Variants in KIAA1958 observed in about 807,000 individuals in gnomAD.
KIAA1958 encodes the protein KIAA1958.
Under a neutral mutation model 47.2 loss-of-function variants are expected in KIAA1958, and 14 were observed. The ratio of observed to expected loss-of-function variants is 0.30; its 90% confidence interval spans 0.20 to 0.46. The LOEUF is 0.46. Ranked by LOEUF, KIAA1958 falls within the 20% of genes least tolerant of loss-of-function variation. The probability of loss-of-function intolerance (pLI) is 1.00; values close to 1 mark genes in which losing one functional copy is unlikely to be tolerated. For missense variants in KIAA1958, 803 were observed against 909.2 expected, an observed-to-expected ratio of 0.88 and a Z score of 1.50; for synonymous variants, 354 against 353.3, an observed-to-expected ratio of 1.00 and a Z score of -0.02.
chr9:112,534,877 ATATT>A (rs1834824911), intron 1 of KIAA1958, among the ~76,000 whole-genome samples: 2 of 152,128 alleles, frequency 1.3e-5, no homozygotes, highest in South Asian at 4.1e-4. Context: ...AAAATTCTGT[ATATT>A]TTAAGGAGAC....
chr9:112,528,545 C>CA (rs1198903273), intron 1 of KIAA1958, among the ~76,000 whole-genome samples: 1 of 152,118 alleles, frequency 6.6e-6, no homozygotes, highest in Non-Finnish European at 1.5e-5. Flanking sequence ...TATTTAGAGA[C>CA]AAAGTCTTGC....
intron 1 of KIAA1958, among the ~76,000 whole-genome samples, chr9:112,487,617 C>T (rs896443081): frequency 1.3e-5 from 2 of 152,100 alleles, no homozygotes; most frequent in South Asian, 2.1e-4. Context: ...GGTGGCTCGC[C>T]GAGGTGCGTT....
chr9:112,560,070 A>AT (rs921090945), intron 1 of KIAA1958, among the ~76,000 whole-genome samples: 315 of 145,620 alleles, frequency 2.2e-3, no homozygotes, highest in Middle Eastern at 0.011. Context: ...AGCTGCACTG[A>AT]TTTTTTTTTT....
chr9:112,547,945 C>A (rs1038615215), intron 1 of KIAA1958, among the ~76,000 whole-genome samples: 4 of 151,404 alleles, frequency 2.6e-5, no homozygotes, highest in African/African-American at 7.3e-5. Context: ...TCTGTTGATT[C>A]CAGGTCTGTA....
intron 3 of KIAA1958, 37 bp from the exon 4 acceptor site, chr9:112,659,226 T>A: frequency 6.4e-7 from 1 of 1,553,822 alleles, no homozygotes; most frequent in Non-Finnish European, 8.8e-7. Flanking sequence ...GCTGTGTGAG[T>A]GTCAAGTGTG....
intron 1 of KIAA1958, among the ~76,000 whole-genome samples, chr9:112,552,179 A>G (rs1048291338): frequency 1.3e-5 from 2 of 152,140 alleles, no homozygotes; most frequent in African/African-American, 4.8e-5. Context: ...GAGAGTATTG[A>G]GTGTTTGCTT....
chr9:112,596,004 C>T (rs1178507737), intron 2 of KIAA1958, among the ~76,000 whole-genome samples: 2 of 151,982 alleles, frequency 1.3e-5, no homozygotes, highest in Non-Finnish European at 2.9e-5. Context: ...AGGCTGGTCT[C>T]GAACTCTTGA....
At chr9:112,533,840 GACAC>G (rs2132814312) in intron 1 of KIAA1958, among the ~76,000 whole-genome samples, 1 of 152,246 alleles carries the variant, frequency 6.6e-6, no homozygotes, top group African/African-American at 2.4e-5. Flanking sequence ...TTCTGCCCTT[GACAC>G]GTGGGGATTG....
chr9:112,532,939 C>G (rs529620124), intron 1 of KIAA1958, among the ~76,000 whole-genome samples: 95 of 152,188 alleles, frequency 6.2e-4, no homozygotes, highest in African/African-American at 2.2e-3. Context: ...TAATAATCTA[C>G]CATATAATAA....
chr9:112,599,819 C>T (rs188267689), intron 2 of KIAA1958, among the ~76,000 whole-genome samples: 13 of 152,246 alleles, frequency 8.5e-5, no homozygotes, highest in Admixed American at 2.6e-4. Context: ...ATGTATTATA[C>T]CAGCAGCAGA....
Position 112,597,966 on chromosome 9 carries a change from C to A in KIAA1958, c.1171+22715C>A, listed in dbSNP as rs566577355. ...ACAGTGGGGAAAAAAAGGTTCCTTG[C>A]ATTCTAGTCTGGGCTCCTCACAGAG... On this transcript the variant is annotated intron_variant, in intron 2 of 3. Coordinates refer to ENST00000337530, the MANE Select transcript of KIAA1958 (RefSeq NM_133465.4). 2.0e-5 allele frequency among the ~76,000 whole-genome samples: 3 copies of A among 152,312 alleles called. No homozygotes were observed. The East Asian group carries it at 5.8e-4, about 29-fold the overall frequency.
At chr9:112,500,887 T>C (rs961783432) in intron 1 of KIAA1958, among the ~76,000 whole-genome samples, 1 of 151,842 alleles carries the variant, frequency 6.6e-6, no homozygotes, top group African/African-American at 2.4e-5. Flanking sequence ...GGCAGGAGGA[T>C]TGCTTGATCC....
chr9:112,525,987 CTTCTTCTTCTTCTT>C lies in KIAA1958; in HGVS notation c.-25+38872_-25+38885del, dbSNP rs1375551405. Among the ~76,000 whole-genome samples the C allele has an allele frequency of 8.3e-5, 8 of 96,264 alleles. 2 individuals are homozygous for C. Among genetic ancestry groups the C allele is most frequent in the African/African-American group, 3.6e-4 (8 of 22,530 alleles). The allele number at this position is 96,264 out of a possible 152,430, so 63.2% of individuals were successfully genotyped here. ...TCTTCTTCTTCTTCTTCTTCTTCTT[CTTCTTCTTCTTCTT>C]TTTTTTTTTAAAGAGATGGGGTCTC... On this transcript the variant is annotated intron_variant, in intron 1 of 3. Coordinates refer to ENST00000337530, the MANE Select transcript of KIAA1958 (RefSeq NM_133465.4).
intron 2 of KIAA1958, chr9:112,617,938 C>A: frequency 2.6e-6 from 4 of 1,550,496 alleles, no homozygotes; most frequent in Middle Eastern, 1.7e-4. Flanking sequence ...GCACGCAGAC[C>A]GCGCTCCGCA....
At chr9:112,525,991 T>C (rs1214079713) in intron 1 of KIAA1958, among the ~76,000 whole-genome samples, 1 of 1,476 alleles carries the variant, frequency 6.8e-4, no homozygotes, top group Non-Finnish European at 1.2e-3. Flanking sequence ...CTTCTTCTTC[T>C]TCTTCTTCTT....
At chr9:112,644,073 G>A (rs1836937623) in intron 2 of KIAA1958, among the ~76,000 whole-genome samples, 1 of 152,150 alleles carries the variant, frequency 6.6e-6, no homozygotes, top group African/African-American at 2.4e-5. Flanking sequence ...AGCTACTTGG[G>A]AGGCTGAGGC....
At chr9:112,529,867 A>G (rs1257851720) in intron 1 of KIAA1958, among the ~76,000 whole-genome samples, 2 of 151,506 alleles carry the variant, frequency 1.3e-5, no homozygotes, top group Non-Finnish European at 2.9e-5. Context: ...TTTTTGAGAC[A>G]GAGTCTCACT....
intron 1 of KIAA1958, among the ~76,000 whole-genome samples, chr9:112,554,681 G>A (rs980418199): frequency 1.3e-5 from 2 of 152,030 alleles, no homozygotes; most frequent in African/African-American, 4.8e-5. Flanking sequence ...CTCTTGGTCG[G>A]TGACTCAGAA....
chr9:112,622,822 A>AT (rs1257092319), intron 2 of KIAA1958, among the ~76,000 whole-genome samples: 2 of 152,198 alleles, frequency 1.3e-5, no homozygotes, highest in Non-Finnish European at 2.9e-5. Context: ...CAATGACTTT[A>AT]TTGAGATGAG....
Sources: allele counts gnomAD v4.1 joint callset (sites outside exome capture counted in the v4.1 genomes callset), GRCh38; gene constraint gnomAD v4.1.1; transcripts MANE v1.5; gene names NCBI Gene and HGNC (gene_info 2026-07-23, HGNC 2026-07-21).